Variants in CCDC93 observed in about 807,000 individuals in gnomAD.
CCDC93 encodes CCC complex scaffolding subunit CCDC93.
A neutral mutation model predicts 108.2 loss-of-function variants in CCDC93; 61 were observed. The observed-to-expected ratio is 0.56, with a 90% confidence interval of 0.46 to 0.70. The LOEUF (loss-of-function observed/expected upper bound fraction) is 0.70. CCDC93 is among the 30% of genes least tolerant of loss of function. The pLI, the probability that CCDC93 is intolerant of heterozygous loss-of-function variation, is 0.00. For synonymous variants in CCDC93, 276 were observed against 260.4 expected (o/e 1.06, Z -0.58); for missense variants, 685 against 764.2 (o/e 0.90, Z 1.22).
At chr2:117,928,301 A>G (rs904473244) in intron 23 of CCDC93, among the ~76,000 whole-genome samples, 5 of 152,240 alleles carry the variant, frequency 3.3e-5, no homozygotes, top group Non-Finnish European at 2.9e-5. Flanking sequence ...CAGCAAAATA[A>G]ACTACCATAG....
chr2:118,000,934 T>C lies in CCDC93; in HGVS notation c.252-2A>G. On this transcript the variant is annotated splice_acceptor_variant, in intron 3 of 23. Coordinates refer to ENST00000376300, the MANE Select transcript of CCDC93 (RefSeq NM_019044.5). LOFTEE classifies it high-confidence loss of function. Reference sequence around the variant, plus strand: ...GAGACAATTTTTTCTGACAGAGCTCTGTTCAGAAAAAGTAACAAGCAAAGA... The same window carrying C: ...GAGACAATTTTTTCTGACAGAGCTCCGTTCAGAAAAAGTAACAAGCAAAGA... 1.1e-5 allele frequency: 17 copies of C among 1,596,198 alleles called. No individual in the cohort carries two copies. The highest frequency in any genetic ancestry group is 1.5e-5 in the Non-Finnish European group (17 of 1,163,800).
At chr2:117,983,248 C>T (rs1217978199) in intron 7 of CCDC93, among the ~76,000 whole-genome samples, 1 of 152,104 alleles carries the variant, frequency 6.6e-6, no homozygotes, top group Non-Finnish European at 1.5e-5. Flanking sequence ...CATTTACTAC[C>T]CCTCCAATTG....
intron 6 of CCDC93, among the ~76,000 whole-genome samples, chr2:117,988,952 A>G (rs999473867): frequency 6.6e-6 from 1 of 152,182 alleles, no homozygotes; most frequent in East Asian, 1.9e-4. Context: ...ACTAAACAGT[A>G]TGACTTGGTG....
chr2:117,918,652 TTC>T lies in CCDC93; in HGVS notation c.*1689_*1690del, dbSNP rs1677763806. 6.6e-6 allele frequency: 1 copy of T among 152,256 alleles called. No individual in the cohort carries two copies. Among genetic ancestry groups the T allele is most frequent in the Non-Finnish European group, 1.5e-5 (1 of 68,060 alleles). The allele number at this position is 152,256 out of a possible 1,614,324, so 9.4% of individuals were successfully genotyped here. On this transcript the variant is annotated 3_prime_UTR_variant, in exon 24 of 24. Coordinates refer to ENST00000376300, the MANE Select transcript of CCDC93 (RefSeq NM_019044.5). Reference sequence around the variant, plus strand: ...GAAATAATTTCAAACGCAGTCAAACTTCTGTCTCCTTCCCCTGCCCTCAGAGT... The same window carrying T: ...GAAATAATTTCAAACGCAGTCAAACTTGTCTCCTTCCCCTGCCCTCAGAGT...
chr2:118,002,355 T>C (rs768150273), intron 3 of CCDC93, among the ~76,000 whole-genome samples: 3 of 152,180 alleles, frequency 2.0e-5, no homozygotes, highest in Non-Finnish European at 2.9e-5. Flanking sequence ...TATGATTCAC[T>C]TAGTAGGTTT....
At position 117,920,259 on chromosome 2, in the gene CCDC93, C is replaced by T; in HGVS notation, c.*84G>A. 1.1e-6 allele frequency: 1 copy of T among 902,898 alleles called. No homozygotes were observed. The highest frequency in any genetic ancestry group is 1.6e-5 in the South Asian group (1 of 63,182). 55.9% of individuals were successfully genotyped at this position (902,898 alleles called of 1,614,324 possible). ...TCACAACTGCATCTCTCTACTGTCG[C>T]TTTCAGAACCATTTCATGATCTTGT... On this transcript the variant is annotated 3_prime_UTR_variant, in exon 24 of 24. Transcript: ENST00000376300.
At chr2:117,981,865 A>G (rs1376949710) in intron 7 of CCDC93, among the ~76,000 whole-genome samples, 1 of 152,166 alleles carries the variant, frequency 6.6e-6, no homozygotes, top group African/African-American at 2.4e-5. Context: ...TAGAAAACAA[A>G]CTAACTTTCA....
At chr2:118,002,846 G>A (rs35045141) in intron 3 of CCDC93, among the ~76,000 whole-genome samples, 43,054 of 152,040 alleles carry the variant, frequency 0.28, 6,583 homozygotes, top group African/African-American at 0.38. Flanking sequence ...AGACCAGCCT[G>A]GGCAACATAG....
intron 11 of CCDC93, among the ~76,000 whole-genome samples, chr2:117,970,729 C>T (rs1679732857): frequency 1.3e-5 from 2 of 152,180 alleles, no homozygotes; most frequent in South Asian, 4.1e-4. Flanking sequence ...GTAACCTGTA[C>T]TTACACAGAA....
intron 6 of CCDC93, among the ~76,000 whole-genome samples, chr2:117,987,057 T>C (rs1680343683): frequency 6.7e-6 from 1 of 148,628 alleles, no homozygotes; most frequent in African/African-American, 2.5e-5. Context: ...AAAAAAAGGA[T>C]TGACTCCAAA....
chr2:117,963,182 C>T lies in CCDC93; in HGVS notation c.889-4701G>A, dbSNP rs141335465. Among the ~76,000 whole-genome samples, 19 of 152,264 alleles carry T rather than the reference C, an allele frequency of 1.2e-4. No homozygotes were observed. The East Asian group carries it at 3.3e-3, about 26-fold the overall frequency. ...CAAAAGCAGACAAGAAGTCAAACTA[C>T]CATAAACAAAAGCCAGTGAAAACAG... On this transcript the variant is annotated intron_variant, in intron 11 of 23. Transcript: ENST00000376300.
chr2:117,947,642 T>TGGTGCTC (rs1678914055), intron 15 of CCDC93, among the ~76,000 whole-genome samples: 1 of 151,910 alleles, frequency 6.6e-6, no homozygotes, highest in Non-Finnish European at 1.5e-5. Context: ...TTACTAACCA[T>TGGTGCTC]GGTGCTCTAT....
At chr2:117,960,759 C>A (rs982588177) in intron 11 of CCDC93, among the ~76,000 whole-genome samples, 1 of 152,146 alleles carries the variant, frequency 6.6e-6, no homozygotes, top group African/African-American at 2.4e-5. Context: ...AGGCCAAATA[C>A]CTTTTCATAA....
In CCDC93 at chr2:117,948,069, G is replaced by A. The variant is rs751993191; in HGVS notation, c.1224+36C>T. The A allele has an allele frequency of 3.0e-5, 45 of 1,486,070 alleles. No homozygotes were observed. In the South Asian group the frequency reaches 3.1e-4, roughly 10 times the overall value. The allele number at this position is 1,486,070 out of a possible 1,614,324, so 92.1% of individuals were successfully genotyped here. On this transcript the variant is annotated intron_variant, in intron 15 of 23. Transcript: ENST00000376300. ...AGGTAAACCAAGAGATTCAATAAGC[G>A]TCCTGGTTTATTTGCTGACACCAAA...
At chr2:117,964,127 A>T (rs754708073) in intron 11 of CCDC93, among the ~76,000 whole-genome samples, 2 of 152,226 alleles carry the variant, frequency 1.3e-5, no homozygotes, top group Admixed American at 6.5e-5. Flanking sequence ...AACTCTGATT[A>T]AAATTTTAAA....
At chr2:117,949,733 A>G in intron 13 of CCDC93, 3 of 984,980 alleles carry the variant, frequency 3.0e-6, no homozygotes, top group Non-Finnish European at 3.6e-6. Context: ...AAAAAGTTCC[A>G]AGAGGTCTAG....
chr2:117,994,617 C>T (rs1680587191), intron 6 of CCDC93, among the ~76,000 whole-genome samples: 1 of 152,118 alleles, frequency 6.6e-6, no homozygotes. Flanking sequence ...TTCACAAAGC[C>T]ACAAACACCA....
chr2:117,949,306 T>A lies in CCDC93; in HGVS notation c.1142+16A>T. ...TTTCATCAAAGCAAAAATAAGCACATGCTGAAACCTCTTACCTTGGATCAG... is the reference window on the plus strand; with the variant it reads ...TTTCATCAAAGCAAAAATAAGCACAAGCTGAAACCTCTTACCTTGGATCAG... On this transcript the variant is annotated intron_variant, in intron 14 of 23. Coordinates refer to ENST00000376300, the MANE Select transcript of CCDC93 (RefSeq NM_019044.5). The A allele has an allele frequency of 3.2e-6, 5 of 1,584,556 alleles. No individual in the cohort carries two copies. Among genetic ancestry groups the A allele is most frequent in the Non-Finnish European group, 4.3e-6 (5 of 1,154,712 alleles).
intron 19 of CCDC93, among the ~76,000 whole-genome samples, chr2:117,940,770 G>A (rs1383512113): frequency 6.6e-6 from 1 of 152,190 alleles, no homozygotes; most frequent in Non-Finnish European, 1.5e-5. Context: ...TCATGGTCCT[G>A]GGTTACTGGG....
Sources: allele counts gnomAD v4.1 joint callset (sites outside exome capture counted in the v4.1 genomes callset), GRCh38; gene constraint gnomAD v4.1.1; transcripts MANE v1.5; gene names NCBI Gene and HGNC (gene_info 2026-07-23, HGNC 2026-07-21).